ARHGEF18: variants seen among roughly 807,000 people sequenced by gnomAD.
ARHGEF18 encodes Rho/Rac guanine nucleotide exchange factor 18, also known as rho guanine nucleotide exchange factor 18.
Under a neutral mutation model 155.7 loss-of-function variants are expected in ARHGEF18, and 93 were observed. That is an observed-to-expected ratio of 0.60 (90% CI 0.50 to 0.71). The LOEUF (loss-of-function observed/expected upper bound fraction) is 0.71. Ranked by LOEUF, ARHGEF18 falls within the 30% of genes least tolerant of loss-of-function variation. The probability of loss-of-function intolerance (pLI) is 0.00; values close to 1 mark genes in which losing one functional copy is unlikely to be tolerated. For missense variants in ARHGEF18, 1,593 were observed against 1,816.1 expected (o/e 0.88, Z 2.23); for synonymous variants, 742 against 753.1 (o/e 0.99, Z 0.24).
chr19:7,380,873 G>C, intron 7 of ARHGEF18, 44 bp from the exon 8 acceptor site: 1 of 1,209,486 alleles, frequency 8.3e-7, no homozygotes, highest in Non-Finnish European at 1.0e-6. Flanking sequence ...GTGAGTGGGA[G>C]AAGAGGCTGC....
intron 10 of ARHGEF18, among the ~76,000 whole-genome samples, chr19:7,412,570 C>T (rs780185139): frequency 6.6e-6 from 1 of 151,648 alleles, no homozygotes; most frequent in Non-Finnish European, 1.5e-5. Flanking sequence ...GGCAAAACCC[C>T]GTCTTTACTA....
chr19:7,457,966 A>T (rs570915639), intron 18 of ARHGEF18, among the ~76,000 whole-genome samples: 1 of 152,188 alleles, frequency 6.6e-6, no homozygotes, highest in East Asian at 1.9e-4. Context: ...TTTAAAAAAA[A>T]ATTTTTAAGC....
At chr19:7,389,878 A>G (rs1356072905) in intron 10 of ARHGEF18, among the ~76,000 whole-genome samples, 1 of 152,078 alleles carries the variant, frequency 6.6e-6, no homozygotes, top group Admixed American at 6.6e-5. Context: ...CAACCCTTTG[A>G]GGTCAAGAAA....
chr19:7,447,977 C>CAT (rs1223531401), intron 15 of ARHGEF18, among the ~76,000 whole-genome samples: 6 of 152,240 alleles, frequency 3.9e-5, no homozygotes, highest in African/African-American at 9.6e-5. Context: ...ATATAAGATA[C>CAT]ATATGTATAC....
rs1294626149 is a variant in ARHGEF18 at position 7,467,576 on chromosome 19, C to T, written c.3372C>T (p.Arg1124=). Residue 1124 remains arginine (R), a synonymous_variant, in exon 26 of 29, where the codon CGC becomes CGT. Coordinates refer to ENST00000668164, the MANE Select transcript of ARHGEF18 (RefSeq NM_001367823.1). ...ACCAGCACGACCTGGAGCGGCTGCG[C>T]GAGGCCCAGCGTGCCGTGGAGCGCG... The part of the protein sequence containing the change: ...QAYQHDLERL[R]EAQRAVERER... 2 of 1,499,138 alleles carry T rather than the reference C, an allele frequency of 1.3e-6. No individual in the cohort carries two copies. Among genetic ancestry groups the T allele is most frequent in the African/African-American group, 2.9e-5 (2 of 69,670 alleles). The allele number at this position is 1,499,138 out of a possible 1,614,324, so 92.9% of individuals were successfully genotyped here. A position where few individuals can be genotyped will look rare whatever the true frequency, so the allele number is the denominator to read the frequency against.
At chr19:7,454,421 C>T (rs951318607) in intron 17 of ARHGEF18, among the ~76,000 whole-genome samples, 2 of 150,790 alleles carry the variant, frequency 1.3e-5, no homozygotes, top group Non-Finnish European at 3.0e-5. Context: ...TCATCTTGAT[C>T]AGTGGGCTCC....
chr19:7,441,685 C>A lies in ARHGEF18; in HGVS notation c.1139C>A (p.Ser380Tyr). Residue 380 changes from serine (S) to tyrosine (Y), a missense_variant, in exon 12 of 29, where the codon TCT becomes TAT. Physicochemically the swap from Ser to Tyr is moderately radical, Grantham distance 144. Coordinates refer to ENST00000668164, the MANE Select transcript of ARHGEF18 (RefSeq NM_001367823.1). ...PITGEMDEAD[S>Y]AFLKFKQTAD... is the part of the protein sequence containing the mutation. Reference sequence around the variant, plus strand: ...ACAGGAGAGATGGATGAAGCCGATTCTGCGTTTTTAAAATTTAAGCAGACA... The same window carrying A: ...ACAGGAGAGATGGATGAAGCCGATTATGCGTTTTTAAAATTTAAGCAGACA... 6.2e-7 allele frequency: 1 copy of A among 1,614,178 alleles called. No individual in the cohort carries two copies. The highest frequency in any genetic ancestry group is 1.1e-5 in the South Asian group (1 of 91,080).
rs1424179341 is a variant in ARHGEF18 at position 7,459,954 on chromosome 19, G to C, written c.2412G>C (p.Lys804Asn). The C allele has an allele frequency of 1.3e-6, 2 of 1,591,790 alleles. No individual in the cohort carries two copies. The highest frequency in any genetic ancestry group is 8.6e-7 in the Non-Finnish European group (1 of 1,169,150). The change falls in exon 20 of 29, where the codon AAG (lysine) becomes AAC (asparagine). Residue 804 changes from lysine (K) to asparagine (N), a missense_variant. By Grantham distance (94) the Lys-to-Asn change is moderately conservative (BLOSUM62 0). Coordinates refer to ENST00000668164, the MANE Select transcript of ARHGEF18 (RefSeq NM_001367823.1). ...TCAGCCTGCCCGAAGAGGAAAGGAAGGTGGTCGAGGCCCGCGCCACGAGAC... is the reference window on the plus strand; with the variant it reads ...TCAGCCTGCCCGAAGAGGAAAGGAACGTGGTCGAGGCCCGCGCCACGAGAC... ...GPFSLPEEERKVVEARATRLR... is the reference protein window; with the variant it reads ...GPFSLPEEERNVVEARATRLR...
At chr19:7,465,238 A>G (rs1353246521) in intron 23 of ARHGEF18, among the ~76,000 whole-genome samples, 3 of 152,018 alleles carry the variant, frequency 2.0e-5, no homozygotes, top group Non-Finnish European at 4.4e-5. Flanking sequence ...AAACACCCAG[A>G]TTTGTACAAG....
intron 10 of ARHGEF18, among the ~76,000 whole-genome samples, chr19:7,404,754 A>G (rs1399536659): frequency 6.6e-6 from 1 of 151,992 alleles, no homozygotes; most frequent in Admixed American, 6.6e-5. Context: ...ATAGCTCTCT[A>G]TTGGTCTGGA....
rs756396978 is a variant in ARHGEF18 at position 7,378,434 on chromosome 19, T to C, written c.582T>C (p.His194=). Reference sequence around the variant, plus strand: ...TGCTGGAGTGCATGGAAAAAGACCATGTGGAACCAGATCACGTGTGAGTTT... The same window carrying C: ...TGCTGGAGTGCATGGAAAAAGACCACGTGGAACCAGATCACGTGTGAGTTT... ...PPVLECMEKD[H]VEPDHVLIVQ... Residue 194 remains histidine (H), a synonymous_variant, in exon 6 of 29, where the codon CAT becomes CAC. Coordinates refer to ENST00000668164, the MANE Select transcript of ARHGEF18 (RefSeq NM_001367823.1). The C allele has an allele frequency of 6.5e-5, 80 of 1,234,258 alleles. No homozygotes were observed. The South Asian group carries it at 1.4e-3, about 22-fold the overall frequency. The allele number at this position is 1,234,258 out of a possible 1,614,324, so 76.5% of individuals were successfully genotyped here.
chr19:7,396,819 G>T lies in ARHGEF18; in HGVS notation c.967+13616G>T, dbSNP rs189066125. On this transcript the variant is annotated intron_variant, in intron 10 of 28. Coordinates refer to ENST00000668164, the MANE Select transcript of ARHGEF18 (RefSeq NM_001367823.1). ...AGCCGTGTAACTTCACTAAGTTTCCGTCTTCCCATCTTTAAAATGGGAATA... is the reference window on the plus strand; with the variant it reads ...AGCCGTGTAACTTCACTAAGTTTCCTTCTTCCCATCTTTAAAATGGGAATA... Among the ~76,000 whole-genome samples the T allele has an allele frequency of 4.6e-5, 7 of 152,062 alleles. 1 individual carries two copies. Among genetic ancestry groups the T allele is most frequent in the Admixed American group, 1.3e-4 (2 of 15,242 alleles).
intron 10 of ARHGEF18, among the ~76,000 whole-genome samples, chr19:7,405,154 T>G (rs1972237624): frequency 6.6e-6 from 1 of 152,136 alleles, no homozygotes; most frequent in Non-Finnish European, 1.5e-5. Flanking sequence ...ACACGAGGTT[T>G]CACCATGTCA....
At chr19:7,388,728 GC>G (rs1483137619) in intron 10 of ARHGEF18, among the ~76,000 whole-genome samples, 1 of 151,300 alleles carries the variant, frequency 6.6e-6, no homozygotes, top group African/African-American at 2.4e-5. Flanking sequence ...TTGCAGGCAT[GC>G]GCCACCACGC....
chr19:7,355,000 G>A (rs539612070), intron 1 of ARHGEF18, among the ~76,000 whole-genome samples: 3 of 151,640 alleles, frequency 2.0e-5, no homozygotes, highest in South Asian at 4.2e-4. Context: ...ATAGATACTA[G>A]AAACAGATCT....
intron 7 of ARHGEF18, among the ~76,000 whole-genome samples, chr19:7,379,938 G>A (rs1340302647): frequency 1.3e-5 from 2 of 151,928 alleles, no homozygotes; most frequent in Admixed American, 6.6e-5. Flanking sequence ...GCTGAGGTGG[G>A]AGGATTGTTT....
chr19:7,394,095 T>G (rs1017206143), intron 10 of ARHGEF18, among the ~76,000 whole-genome samples: 1 of 151,328 alleles, frequency 6.6e-6, no homozygotes, highest in Non-Finnish European at 1.5e-5. Flanking sequence ...TATAGCTCAC[T>G]GCAGCCTGGA....
chr19:7,473,724 G>A (rs1006610962), downstream of ARHGEF18, among the ~76,000 whole-genome samples: 9 of 149,526 alleles, frequency 6.0e-5, no homozygotes, highest in Non-Finnish European at 1.0e-4. Context: ...GCAGGAGAAT[G>A]GCGTGAACCC....
At chr19:7,448,285 C>T (rs778116763) in intron 15 of ARHGEF18, among the ~76,000 whole-genome samples, 16 of 152,294 alleles carry the variant, frequency 1.1e-4, no homozygotes, top group African/African-American at 2.9e-4. Context: ...GAGGCCAAGG[C>T]GGGCAGATCA....
Sources: gnomAD v4.1 joint callset for allele counts (sites outside exome capture counted in the v4.1 genomes callset) on GRCh38, gnomAD v4.1.1 for gene constraint, MANE v1.5 for transcripts, NCBI Gene and HGNC (gene_info 2026-07-23, HGNC 2026-07-21) for gene names.